The following SREBF1 variants were observed in gnomAD, a reference collection of about 807,000 sequenced individuals.
The protein encoded by SREBF1 is sterol regulatory element binding transcription factor 1.
Under a neutral mutation model 100.1 loss-of-function variants are expected in SREBF1, and 45 were observed. The ratio of observed to expected loss-of-function variants is 0.45; its 90% confidence interval spans 0.35 to 0.58. The LOEUF is 0.58. SREBF1 is among the 20% of genes least tolerant of loss of function. The probability of loss-of-function intolerance (pLI) is 0.00; values close to 1 mark genes in which losing one functional copy is unlikely to be tolerated. For missense variants in SREBF1, 1,324 were observed against 1,539.4 expected (o/e 0.86, Z 2.34); for synonymous variants, 657 against 681.8 (o/e 0.96, Z 0.57).
In SREBF1 at chr17:17,836,895, C is replaced by T. The variant is rs965801217; in HGVS notation, c.-78G>A. 3.0e-6 allele frequency: 4 copies of T among 1,342,130 alleles called. No individual in the cohort carries two copies. The highest frequency in any genetic ancestry group is 3.9e-6 in the Non-Finnish European group (4 of 1,026,606). 83.1% of individuals were successfully genotyped at this position (1,342,130 alleles called of 1,614,324 possible). ...CTTCCTAGGGAGCGCCGCCGCGGCC[C>T]CGGCTCTCAGTCGCCGCCGCCGCTC... On this transcript the variant is annotated 5_prime_UTR_variant, in exon 1 of 19. Coordinates refer to ENST00000261646, the MANE Select transcript of SREBF1 (RefSeq NM_004176.5).
At position 17,814,056 on chromosome 17, in the gene SREBF1, C is replaced by A. The variant is rs1004549247; in HGVS notation, c.2901+189G>T. On this transcript the variant is annotated intron_variant, in intron 16 of 18. Coordinates refer to ENST00000261646, the MANE Select transcript of SREBF1 (RefSeq NM_004176.5). ...CCTCCCAGGGATGGGGAAACTGAGG[C>A]CAGATAGGGGCAACCCCTCTCCTCT... 14 of 706,484 alleles carry A rather than the reference C, an allele frequency of 2.0e-5. No individual in the cohort carries two copies. In the Admixed American group the frequency reaches 3.8e-4, roughly 19 times the overall value. The allele number at this position is 706,484 out of a possible 1,614,324, so 43.8% of individuals were successfully genotyped here.
Position 17,818,303 on chromosome 17 carries a change from G to C in SREBF1, c.1140C>G (p.Leu380=), listed in dbSNP as rs546297883. 6.2e-7 allele frequency: 1 copy of C among 1,613,986 alleles called. No homozygotes were observed. Among genetic ancestry groups the C allele is most frequent in the Non-Finnish European group, 8.5e-7 (1 of 1,180,026 alleles). ...TGCGCAGACTTAGGTTCTCCTGCTTGAGTTTCTGGTTGCTGTGTTGCAGAA... is the reference window on the plus strand; with the variant it reads ...TGCGCAGACTTAGGTTCTCCTGCTTCAGTTTCTGGTTGCTGTGTTGCAGAA... ...IRFLQHSNQK[L]KQENLSLRTA... The change falls in exon 6 of 19, where the codon CTC becomes CTG. Residue 380 remains leucine, a synonymous_variant. Coordinates refer to ENST00000261646, the MANE Select transcript of SREBF1 (RefSeq NM_004176.5).
chr17:17,833,220 G>C (rs537541432), intron 1 of SREBF1, among the ~76,000 whole-genome samples: 1 of 151,224 alleles, frequency 6.6e-6, no homozygotes, highest in East Asian at 2.0e-4. Flanking sequence ...TCAGGAGATC[G>C]AGACCATCCT....
In SREBF1 at chr17:17,817,632, C is replaced by A. The variant is rs1430783985; in HGVS notation, c.1404+64G>T. The A allele has an allele frequency of 6.2e-7, 1 of 1,602,668 alleles. No individual in the cohort carries two copies. Among genetic ancestry groups the A allele is most frequent in the Admixed American group, 1.7e-5 (1 of 59,670 alleles). ...TAGGATCTGTTAGGGTCTTCCCGGC[C>A]CTGTCATGAGGCTCAGAGGATATGG... On this transcript the variant is annotated intron_variant, in intron 7 of 18. Coordinates refer to ENST00000261646, the MANE Select transcript of SREBF1 (RefSeq NM_004176.5). This position sits in a 1 kb window ranked among gnomAD's most constrained non-coding sequence, Gnocchi z 6.6.
chr17:17,833,452 T>A lies in SREBF1; in HGVS notation c.91+3275A>T, dbSNP rs867084257. Among the ~76,000 whole-genome samples the A allele has an allele frequency of 8.1e-3, 704 of 86,468 alleles. 5 individuals are homozygous for A. The highest frequency in any genetic ancestry group is 9.4e-3 in the Non-Finnish European group (452 of 47,864). The allele number at this position is 86,468 out of a possible 152,430, so 56.7% of individuals were successfully genotyped here. ...AAAAAAAAAAAAAAAAAAAAAAAAA[T>A]ATATATATATATATATATATATACA... On this transcript the variant is annotated intron_variant, in intron 1 of 18. Transcript: ENST00000261646.
Position 17,813,486 on chromosome 17 carries a change from G to A in SREBF1, c.3103-7C>T. 1 of 1,594,932 alleles carries A rather than the reference G, an allele frequency of 6.3e-7. No individual in the cohort carries two copies. Among genetic ancestry groups the A allele is most frequent in the Non-Finnish European group, 8.5e-7 (1 of 1,170,928 alleles). The stretch of plus-strand genomic sequence containing the variant: ...TGGCCTCATGTAGGAACACCTGGGG[G>A]CCAGGAGAGTGGAGGCTCAGGGCTC... On this transcript the variant is annotated splice_region_variant and splice_polypyrimidine_tract_variant and intron_variant, in intron 17 of 18. Transcript: ENST00000261646.
intron 1 of SREBF1, chr17:17,820,939 C>G (rs1354830267): frequency 3.5e-6 from 1 of 285,308 alleles, no homozygotes; most frequent in Non-Finnish European, 6.9e-6. Context: ...CACATTCATT[C>G]ACTCATCCAG....
chr17:17,818,718 T>C (rs1225828302), intron 5 of SREBF1: 4 of 562,520 alleles, frequency 7.1e-6, no homozygotes, highest in Non-Finnish European at 9.6e-6. Context: ...CGAGCACTTA[T>C]TCATCCTGCC....
intron 18 of SREBF1, 90 bp from the exon 19 acceptor site, chr17:17,812,941 G>A (rs1367523365): frequency 6.5e-6 from 8 of 1,236,676 alleles, no homozygotes; most frequent in South Asian, 4.8e-5. Flanking sequence ...GGCACCAGCC[G>A]CCTGTACCTG....
intron 2 of SREBF1, 101 bp downstream of exon 2, chr17:17,819,988 TA>T: frequency 7.5e-7 from 1 of 1,334,394 alleles, no homozygotes; most frequent in Non-Finnish European, 1.0e-6. Flanking sequence ...CCCCAGTTTC[TA>T]AAGCCTGCAC....
Position 17,817,481 on chromosome 17 carries a change from G to T in SREBF1, c.1405-24C>A. 1.3e-6 allele frequency: 2 copies of T among 1,569,088 alleles called. No homozygotes were observed. The highest frequency in any genetic ancestry group is 1.7e-6 in the Non-Finnish European group (2 of 1,156,850). ...GCCTGGTGGGGTTGGGCAGGGTGGT[G>T]AGGGCAGAATCGGAGGGACCCCAGA... On this transcript the variant is annotated intron_variant, in intron 7 of 18. Transcript: ENST00000261646. The surrounding 1 kb of genome is among the most constrained non-coding windows in gnomAD (Gnocchi z 6.6).
rs1225824475 is a variant in SREBF1, at chr17:17,817,771, A to G, written c.1329T>C (p.Leu443=). The change falls in exon 7 of 19, where the codon CTT becomes CTC. Residue 443 remains leucine (L), a synonymous_variant. Transcript: ENST00000261646. This position sits in a 1 kb window ranked among gnomAD's most constrained non-coding sequence, Gnocchi z 6.6. The part of the protein sequence containing the change: ...GSPFQSSPLS[L]GSRGSGSGGS... ...CACCGCTGCCACTGCCCCTGCTGCCAAGGGACAAGGGGCTGCTCTGGAAAG... is the reference window on the plus strand; with the variant it reads ...CACCGCTGCCACTGCCCCTGCTGCCGAGGGACAAGGGGCTGCTCTGGAAAG... 2.5e-6 allele frequency: 4 copies of G among 1,613,598 alleles called. No homozygotes were observed. The highest frequency in any genetic ancestry group is 3.4e-6 in the Non-Finnish European group (4 of 1,179,992).
rs368488019 is a variant in SREBF1, at chr17:17,820,269, G to C, written c.344C>G (p.Ala115Gly). Reference sequence around the variant, plus strand: ...CTTGATACCAGGCCCAGGGGAGAAAGCGGGCATGGACGGGTACATCTTCAA... The same window carrying C: ...CTTGATACCAGGCCCAGGGGAGAAACCGGGCATGGACGGGTACATCTTCAA... Reference protein sequence around the residue: ...TPLKMYPSMPAFSPGPGIKEE... With the variant: ...TPLKMYPSMPGFSPGPGIKEE... Residue 115 changes from alanine to glycine, a missense_variant, in exon 2 of 19, where the codon GCT (alanine) becomes GGT (glycine). By Grantham distance (60) the Ala-to-Gly change is moderately conservative. Transcript: ENST00000261646. The C allele has an allele frequency of 1.9e-6, 3 of 1,613,976 alleles. No homozygotes were observed. The highest frequency in any genetic ancestry group is 1.7e-5 in the Admixed American group (1 of 60,030).
chr17:17,816,116 G>C, intron 11 of SREBF1, 88 bp from the exon 12 acceptor site: 1 of 1,308,660 alleles, frequency 7.6e-7, no homozygotes, highest in Non-Finnish European at 1.0e-6. Context: ...GAGTCCCCCT[G>C]GTAACCACTG....
In SREBF1 at chr17:17,820,299, G is replaced by A. The variant is rs368174566; in HGVS notation, c.314C>T (p.Thr105Ile). Residue 105 changes from threonine to isoleucine, a missense_variant, in exon 2 of 19, where the codon ACT (threonine) becomes ATT (isoleucine). Transcript: ENST00000261646. The stretch of plus-strand genomic sequence containing the variant: ...CATGGACGGGTACATCTTCAATGGA[G>A]TGGGTGCAGGCTGGGGAGGGGACAG... The part of the protein sequence containing the change: ...SPLSPPQPAP[T>I]PLKMYPSMPA... 4.8e-5 allele frequency: 77 copies of A among 1,613,782 alleles called. No individual in the cohort carries two copies. The highest frequency in any genetic ancestry group is 6.4e-5 in the Non-Finnish European group (76 of 1,179,984).
chr17:17,816,602 G>A lies in SREBF1; in HGVS notation c.1902C>T (p.His634=), dbSNP rs962817331. 1 of 1,606,286 alleles carries A rather than the reference G, an allele frequency of 6.2e-7. No individual in the cohort carries two copies. The highest frequency in any genetic ancestry group is 8.5e-7 in the Non-Finnish European group (1 of 1,177,314). The change falls in exon 10 of 19, where the codon CAC becomes CAT. Residue 634 remains histidine, a synonymous_variant. Coordinates refer to ENST00000261646, the MANE Select transcript of SREBF1 (RefSeq NM_004176.5). Reference sequence around the variant, plus strand: ...GGCCCACCCAGAGACGCTGCAGCAGGTGACGGATGAGGTTCCAGAGGAGGC... The same window carrying A: ...GGCCCACCCAGAGACGCTGCAGCAGATGACGGATGAGGTTCCAGAGGAGGC... ...ACSLLWNLIR[H]LLQRLWVGRW...
At position 17,836,794 on chromosome 17, in the gene SREBF1, C is replaced by T. The variant is rs1243968640; in HGVS notation, c.24G>A (p.Glu8=). 1.3e-6 allele frequency: 2 copies of T among 1,551,254 alleles called. No individual in the cohort carries two copies. The highest frequency in any genetic ancestry group is 1.7e-6 in the Non-Finnish European group (2 of 1,155,952). ...CGCCCAGCGCCTGCTCCAAAGCCGC[C>T]TCGCTGAAGGGTGGCTCGTCCATGG... MDEPPFS[E]AALEQALGEP... The change falls in exon 1 of 19, where the codon GAG becomes GAA. Residue 8 remains glutamate, a synonymous_variant. Transcript: ENST00000261646.
Position 17,817,295 on chromosome 17 carries a change from G to A in SREBF1, c.1567C>T (p.His523Tyr). Residue 523 changes from histidine to tyrosine, a missense_variant, in exon 8 of 19, where the codon CAT (histidine) becomes TAT (tyrosine). Physicochemically the swap from His to Tyr is moderately conservative, Grantham distance 83 (BLOSUM62 2). Transcript: ENST00000261646. This position sits in a 1 kb window ranked among gnomAD's most constrained non-coding sequence, Gnocchi z 6.6. ...CCCAGCACGTTGCGCCCAGGGCTAT[G>A]GTAGACGCTGGTGGTATCTGAGGGG... is the stretch of plus-strand genomic sequence containing the variant. ...PSPSDTTSVYHSPGRNVLGTE... is the reference protein window; with the variant it reads ...PSPSDTTSVYYSPGRNVLGTE... The A allele has an allele frequency of 6.2e-7, 1 of 1,607,410 alleles. No homozygotes were observed.
rs2033686649 is a variant in SREBF1 at position 17,817,259 on chromosome 17, T to C, written c.1603A>G (p.Arg535Gly). 1.2e-6 allele frequency: 2 copies of C among 1,608,406 alleles called. No individual in the cohort carries two copies. The highest frequency in any genetic ancestry group is 1.7e-6 in the Non-Finnish European group (2 of 1,178,018). ...TGCCCAGGCTGGCCGGTCCCACCTC[T>C]GCTCTCGGTGCCCAGCACGTTGCGC... ...PGRNVLGTES[R>G]DGPGWAQWLL... is the part of the protein sequence containing the mutation. Residue 535 changes from arginine to glycine, a missense_variant, in exon 8 of 19, where the codon AGA becomes GGA. Transcript: ENST00000261646. The surrounding 1 kb of genome is among the most constrained non-coding windows in gnomAD (Gnocchi z 6.6).
Sources: allele counts gnomAD v4.1 joint callset (sites outside exome capture counted in the v4.1 genomes callset), GRCh38; gene constraint gnomAD v4.1.1; non-coding constraint Gnocchi (gnomAD v3.1); transcripts MANE v1.5; gene names NCBI Gene and HGNC (gene_info 2026-07-23, HGNC 2026-07-21).